POLI: variants seen among roughly 807,000 people sequenced by gnomAD.
The protein encoded by POLI is RAD30 homolog B.
POLI carries 58 observed loss-of-function variants against 51.6 expected under a neutral mutation model. The ratio of observed to expected loss-of-function variants is 1.12; its 90% CI spans 0.91 to 1.40. The LOEUF (loss-of-function observed/expected upper bound fraction) is 1.40, where lower values mean the gene tolerates loss of function less well. POLI is among the 40% of genes most tolerant of loss of function. The probability of loss-of-function intolerance (pLI) is 0.00; values close to 1 mark genes in which losing one functional copy is unlikely to be tolerated. For missense variants in POLI, 921 were observed against 871.3 expected, an observed-to-expected ratio of 1.06 and a Z score of -0.72; for synonymous variants, 322 against 299.7, an observed-to-expected ratio of 1.07 and a Z score of -0.77.
chr18:54,317,806 A>C (rs1217530116), intron 3 of POLI, among the ~76,000 whole-genome samples: 1 of 152,204 alleles, frequency 6.6e-6, no homozygotes. Flanking sequence ...TCAAAGCTGC[A>C]GTGAGCTATG....
downstream of POLI, among the ~76,000 whole-genome samples, chr18:54,299,701 A>G (rs184668661): frequency 6.6e-4 from 101 of 152,318 alleles, no homozygotes; most frequent in African/African-American, 2.4e-3. Context: ...GGAGATGTAA[A>G]AAATATGTGA....
chr18:54,319,532 G>A (rs1470181357), intron 3 of POLI, among the ~76,000 whole-genome samples: 1 of 152,062 alleles, frequency 6.6e-6, no homozygotes, highest in Non-Finnish European at 1.5e-5. Context: ...GAGTTATATG[G>A]TAAGAAAGAT....
Position 54,269,532 on chromosome 18 carries a change from G to A in POLI, c.-15G>A, listed in dbSNP as rs550638487. The A allele has an allele frequency of 4.1e-5, 62 of 1,507,680 alleles. No homozygotes were observed. The African/African-American group carries it at 8.1e-4, about 20-fold the overall frequency. The allele number at this position is 1,507,680 out of a possible 1,614,324, so 93.4% of individuals were successfully genotyped here. On this transcript the variant is annotated 5_prime_UTR_variant, in exon 1 of 10. Coordinates refer to ENST00000579534, the MANE Select transcript of POLI (RefSeq NM_007195.3). ...GGAAGCGGCCGGAAGTAGCGCTGCG[G>A]TTGGCAGCGGCGGGATGGAGAAGCT...
rs1187057980 is a variant in POLI, at chr18:54,297,452, T to G, written c.*2985T>G. The G allele has an allele frequency of 1.1e-5, 11 of 981,160 alleles. No individual in the cohort carries two copies. The highest frequency in any genetic ancestry group is 1.2e-5 in the Non-Finnish European group (10 of 826,116). The allele number at this position is 981,160 out of a possible 1,614,324, so 60.8% of individuals were successfully genotyped here. ...CAAACCAGCAATGAATTAAGAGGTC[T>G]CTTTTCTCCAAGATCTAGTGTTTTG... On this transcript the variant is annotated 3_prime_UTR_variant, in exon 10 of 10. Transcript: ENST00000579534.
At chr18:54,286,509 G>C (rs1262521371) in intron 7 of POLI, among the ~76,000 whole-genome samples, 3 of 151,832 alleles carry the variant, frequency 2.0e-5, no homozygotes, top group Admixed American at 6.6e-5. Flanking sequence ...TTTAACAAAA[G>C]TAATGTCATT....
chr18:54,309,694 T>C (rs1041634806), intron 3 of POLI, among the ~76,000 whole-genome samples: 43 of 152,186 alleles, frequency 2.8e-4, no homozygotes, highest in African/African-American at 1.0e-3. Flanking sequence ...AGATGGAGTC[T>C]ACAGAGGCAG....
chr18:54,273,760 A>G (rs894375608), intron 2 of POLI, among the ~76,000 whole-genome samples, 166 bp from the exon 3 acceptor site: 8 of 152,264 alleles, frequency 5.3e-5, no homozygotes, highest in African/African-American at 1.9e-4. Flanking sequence ...TTTCTGCATT[A>G]TAGAGATTTG....
At chr18:54,280,955 A>G in intron 5 of POLI, 52 bp downstream of exon 5, 1 of 944,700 alleles carries the variant, frequency 1.1e-6, no homozygotes, top group Non-Finnish European at 1.6e-6. Flanking sequence ...TATTTCTTTT[A>G]ATTTAAAAAA....
chr18:54,271,065 T>A (rs547885441), intron 1 of POLI: 75 of 205,228 alleles, frequency 3.7e-4, no homozygotes, highest in Middle Eastern at 1.8e-3. Context: ...ACTATAAACT[T>A]CCAGGTGATA....
Position 54,283,999 on chromosome 18 carries a change from T to A in POLI, c.1053T>A (p.Ala351=). 2 of 1,426,352 alleles carry A rather than the reference T, an allele frequency of 1.4e-6. No homozygotes were observed. The highest frequency in any genetic ancestry group is 2.0e-6 in the Non-Finnish European group (2 of 1,021,438). 88.4% of individuals were successfully genotyped at this position (1,426,352 alleles called of 1,614,324 possible). The change falls in exon 7 of 10, where the codon GCT becomes GCA. Residue 351 remains alanine (A), a synonymous_variant. Transcript: ENST00000579534. ...EAKNKIEELL[A]SLLNRVCQDG... ...AAAATAAGATTGAAGAACTACTTGC[T>A]AGTCTTTTAAACAGGTGATTTTCAA...
At chr18:54,299,301 G>A (rs1467865702), downstream of POLI, among the ~76,000 whole-genome samples, 2 of 152,184 alleles carry the variant, frequency 1.3e-5, no homozygotes, top group Non-Finnish European at 2.9e-5. Flanking sequence ...TGGGCGTGGT[G>A]GTGCACGCCT....
intron 1 of POLI, 192 bp downstream of exon 1, chr18:54,269,853 G>A: frequency 1.5e-6 from 2 of 1,334,210 alleles, no homozygotes; most frequent in Non-Finnish European, 1.9e-6. Context: ...CACCCAGCAG[G>A]AGTAGGGTGG....
chr18:54,270,070 C>T (rs1345797356), intron 1 of POLI: 1 of 991,868 alleles, frequency 1.0e-6, no homozygotes, highest in Non-Finnish European at 1.2e-6. Context: ...GAAGGGATGG[C>T]TCAGAACCTA....
rs779551709 is a variant in POLI at position 54,271,340 on chromosome 18, T to C, written c.116-20T>C. The C allele has an allele frequency of 1.5e-5, 24 of 1,590,432 alleles. No individual in the cohort carries two copies. In the South Asian group the frequency reaches 2.2e-4, roughly 15 times the overall value. The stretch of plus-strand genomic sequence containing the variant: ...AATAAGCAGCCTGAATTTCTTTTTA[T>C]TTCTTTGCATATTGTGCAGGAGTTC... On this transcript the variant is annotated intron_variant, in intron 1 of 9. Coordinates refer to ENST00000579534, the MANE Select transcript of POLI (RefSeq NM_007195.3).
Position 54,295,228 on chromosome 18 carries a change from C to T in POLI, c.*761C>T, listed in dbSNP as rs188873207. 4.1e-6 allele frequency: 4 copies of T among 985,284 alleles called. No homozygotes were observed. In the East Asian group the frequency reaches 4.5e-4, roughly 112 times the overall value. The allele number at this position is 985,284 out of a possible 1,614,324, so 61.0% of individuals were successfully genotyped here. On this transcript the variant is annotated 3_prime_UTR_variant, in exon 10 of 10. Coordinates refer to ENST00000579534, the MANE Select transcript of POLI (RefSeq NM_007195.3). ...AGCATACTGGATAATGGAAGAAGTC[C>T]ATTTCTTTCTAGCTAGTTTGAAGGG... is the stretch of plus-strand genomic sequence containing the variant.
At chr18:54,312,320 A>G (rs1008946882) in intron 3 of POLI, among the ~76,000 whole-genome samples, 1 of 152,168 alleles carries the variant, frequency 6.6e-6, no homozygotes, top group Admixed American at 6.6e-5. Context: ...TCCATGGTGT[A>G]TATATGCCAT....
At chr18:54,283,139 GA>G (rs1356508737) in intron 6 of POLI, 124 bp downstream of exon 6, 5 of 546,346 alleles carry the variant, frequency 9.2e-6, no homozygotes, top group Non-Finnish European at 1.6e-5. Context: ...TTTCCTATTA[GA>G]AGGCTGATTT....
intron 9 of POLI, among the ~76,000 whole-genome samples, chr18:54,293,331 C>G (rs1002611973): frequency 6.6e-6 from 1 of 151,694 alleles, no homozygotes; most frequent in Non-Finnish European, 1.5e-5. Context: ...CTTTTCTAGG[C>G]CGCCATTCTT....
chr18:54,293,850 C>G lies in POLI; in HGVS notation c.1606C>G (p.Pro536Ala). Reference protein sequence around the residue: ...GVDQEVFKQLPVDIQEEILSG... With the variant: ...GVDQEVFKQLAVDIQEEILSG... ...TGACCAAGAAGTCTTCAAGCAGCTT[C>G]CAGTAGATATTCAAGAAGAAATCCT... The change falls in exon 10 of 10, where the codon CCA becomes GCA. Residue 536 changes from proline (P) to alanine (A), a missense_variant. Coordinates refer to ENST00000579534, the MANE Select transcript of POLI (RefSeq NM_007195.3). 14 of 1,610,880 alleles carry G rather than the reference C, an allele frequency of 8.7e-6. No individual in the cohort carries two copies. The highest frequency in any genetic ancestry group is 1.2e-5 in the Non-Finnish European group (14 of 1,178,024).
Sources: allele counts gnomAD v4.1 joint callset (sites outside exome capture counted in the v4.1 genomes callset), GRCh38; gene constraint gnomAD v4.1.1; transcripts MANE v1.5; gene names NCBI Gene and HGNC (gene_info 2026-07-23, HGNC 2026-07-21).